Variants in MICAL3 observed in about 807,000 individuals in gnomAD.
MICAL3 encodes the protein microtubule associated monooxygenase, calponin and LIM domain containing 3.
MICAL3 carries 62 observed loss-of-function variants against 207.4 expected under a neutral mutation model. That is an observed-to-expected ratio of 0.30 (90% CI 0.24 to 0.37). MICAL3 has a LOEUF of 0.37. Ranked by LOEUF, MICAL3 falls within the 10% of genes least tolerant of loss-of-function variation. The pLI is 1.00. For synonymous variants in MICAL3, 1,077 were observed against 1,069.3 expected (o/e 1.01, Z -0.14); for missense variants, 2,368 against 2,635.6 (o/e 0.90, Z 2.22).
intron 16 of MICAL3, chr22:17,879,305 T>G: frequency 6.4e-7 from 1 of 1,572,206 alleles, no homozygotes; most frequent in Non-Finnish European, 8.7e-7. Flanking sequence ...CCCGTGTGCT[T>G]GGCTCTCAGC....
chr22:17,982,954 C>A (rs1185747931), intron 1 of MICAL3, among the ~76,000 whole-genome samples: 1 of 152,114 alleles, frequency 6.6e-6, no homozygotes, highest in Non-Finnish European at 1.5e-5. Flanking sequence ...CTCGGCTCCT[C>A]ATCTGGAAAG....
intron 1 of MICAL3, among the ~76,000 whole-genome samples, chr22:17,967,463 A>AACAC (rs71184751): frequency 0.016 from 2,064 of 126,096 alleles, 30 homozygotes; most frequent in East Asian, 0.04. Flanking sequence ...TGTACATGCA[A>AACAC]ACACACACAC....
At chr22:17,827,174 G>A (rs1261095716) in intron 22 of MICAL3, among the ~76,000 whole-genome samples, 2 of 152,174 alleles carry the variant, frequency 1.3e-5, no homozygotes, top group Non-Finnish European at 2.9e-5. Flanking sequence ...CCTAAAGCCT[G>A]GGGCTGGAGA....
chr22:17,977,605 T>C (rs1320579254), intron 1 of MICAL3, among the ~76,000 whole-genome samples: 1 of 152,058 alleles, frequency 6.6e-6, no homozygotes, highest in Admixed American at 6.6e-5. Flanking sequence ...CCTCCTATGT[T>C]GCTGGTGGGA....
intron 1 of MICAL3, among the ~76,000 whole-genome samples, chr22:17,948,085 A>G (rs560398845): frequency 1.4e-4 from 21 of 152,158 alleles, no homozygotes; most frequent in African/African-American, 5.1e-4. Context: ...TGAAAGCTCC[A>G]GAGCTGATCT....
chr22:17,931,077 G>T (rs1230863271), intron 1 of MICAL3, among the ~76,000 whole-genome samples: 1 of 152,116 alleles, frequency 6.6e-6, no homozygotes, highest in African/African-American at 2.4e-5. Flanking sequence ...TGCTTCAGGC[G>T]ACCAGTGAGT....
chr22:17,816,953 T>A (rs553576390), intron 26 of MICAL3, among the ~76,000 whole-genome samples, 169 bp from the exon 27 acceptor site: 31 of 152,330 alleles, frequency 2.0e-4, no homozygotes, highest in Non-Finnish European at 2.2e-4. Context: ...GACACCAACC[T>A]TTGCCTGGGC....
chr22:17,893,578 G>C (rs1265971805), intron 11 of MICAL3, among the ~76,000 whole-genome samples: 1 of 152,150 alleles, frequency 6.6e-6, no homozygotes, highest in Admixed American at 6.5e-5. Flanking sequence ...TGCACTGCGG[G>C]ATGTTCAGCA....
intron 19 of MICAL3, chr22:17,864,458 G>A (rs1075596): frequency 0.11 from 149,674 of 1,421,054 alleles, 9,453 homozygotes; most frequent in African/African-American, 0.24. Flanking sequence ...GCTCCAGGCC[G>A]TCAGAGGAGC....
intron 20 of MICAL3, chr22:17,834,261 A>G: frequency 9.2e-7 from 1 of 1,088,104 alleles, no homozygotes. Flanking sequence ...ATTTCTGAGC[A>G]CCTACAGCTC....
chr22:17,847,483 C>A (rs1924757420), intron 19 of MICAL3, among the ~76,000 whole-genome samples: 2 of 152,224 alleles, frequency 1.3e-5, no homozygotes, highest in Admixed American at 6.5e-5. Context: ...CAGCCAGACA[C>A]CCTGCAGGCG....
chr22:18,001,787 A>G (rs939579028), intron 1 of MICAL3, among the ~76,000 whole-genome samples: 3 of 152,236 alleles, frequency 2.0e-5, no homozygotes, highest in African/African-American at 7.2e-5. Context: ...GGGAGACGGG[A>G]AAGAACTGAT....
At chr22:17,881,365 G>T in intron 16 of MICAL3, 1 of 1,356,308 alleles carries the variant, frequency 7.4e-7, no homozygotes, top group Non-Finnish European at 1.0e-6. Flanking sequence ...TGTGGAAGCT[G>T]GTTCTGGGAG....
intron 17 of MICAL3, among the ~76,000 whole-genome samples, chr22:17,867,225 T>C (rs1927245434): frequency 6.9e-6 from 1 of 145,710 alleles, no homozygotes; most frequent in Non-Finnish European, 1.6e-5. Context: ...TAATGCCTAG[T>C]ATACTTTCTC....
At chr22:17,870,592 A>C (rs1927628791) in intron 17 of MICAL3, among the ~76,000 whole-genome samples, 1 of 152,154 alleles carries the variant, frequency 6.6e-6, no homozygotes, top group Non-Finnish European at 1.5e-5. Flanking sequence ...CCACGGTGAG[A>C]GGCTAACTAG....
chr22:17,832,063 TCCTCCTCCTCCTCTC>T lies in MICAL3; in HGVS notation c.2831_2845del (p.Gly944_Glu948del). On this transcript the variant is annotated inframe_deletion, in exon 21 of 32. Transcript: ENST00000441493. Reference sequence around the variant, plus strand: ...GTCAGATGGGGGCAGGCGAGGCTCCTCCTCCTCCTCCTCTCCCTCCTCCTCCATCTCAGACTCGGA... The same window carrying T: ...GTCAGATGGGGGCAGGCGAGGCTCCTCCTCCTCCTCCATCTCAGACTCGGA... 2 of 1,591,338 alleles carry T rather than the reference TCCTCCTCCTCCTCTC, an allele frequency of 1.3e-6. No individual in the cohort carries two copies. The highest frequency in any genetic ancestry group is 1.7e-6 in the Non-Finnish European group (2 of 1,168,840).
At chr22:17,873,204 G>T (rs534540341) in intron 16 of MICAL3, among the ~76,000 whole-genome samples, 46 of 152,368 alleles carry the variant, frequency 3.0e-4, no homozygotes, top group African/African-American at 1.1e-3. Flanking sequence ...CAGGGCCTGG[G>T]TCCTGCAGAG....
At chr22:17,969,018 A>C (rs1193272111) in intron 1 of MICAL3, among the ~76,000 whole-genome samples, 1 of 152,096 alleles carries the variant, frequency 6.6e-6, no homozygotes, top group East Asian at 1.9e-4. Context: ...ACTTATTAAG[A>C]ACATTCTTTA....
At position 17,841,798 on chromosome 22, in the gene MICAL3, C is replaced by G. The variant is rs750559; in HGVS notation, c.2801+24G>C. 15 of 1,536,554 alleles carry G rather than the reference C, an allele frequency of 9.8e-6. No individual in the cohort carries two copies. The highest frequency in any genetic ancestry group is 1.2e-5 in the South Asian group (1 of 83,234). On this transcript the variant is annotated intron_variant, in intron 20 of 31. Transcript: ENST00000441493. The surrounding 1 kb of genome is among the most constrained non-coding windows in gnomAD (Gnocchi z 4.2). Reference sequence around the variant, plus strand: ...CTCTTAGGGCCGTGTGGCGGGTGGGCGCCCTGCAGCCCTGCGTGCTGACCT... The same window carrying G: ...CTCTTAGGGCCGTGTGGCGGGTGGGGGCCCTGCAGCCCTGCGTGCTGACCT...
Sources: allele counts gnomAD v4.1 joint callset (sites outside exome capture counted in the v4.1 genomes callset), GRCh38; gene constraint gnomAD v4.1.1; non-coding constraint Gnocchi (gnomAD v3.1); transcripts MANE v1.5; gene names NCBI Gene and HGNC (gene_info 2026-07-23, HGNC 2026-07-21).